Variants in GPR158 observed in about 807,000 individuals in gnomAD.
GPR158 encodes G protein-coupled receptor 158, also known as metabotropic glycine receptor.
Under a neutral mutation model 78.2 loss-of-function variants are expected in GPR158, and 30 were observed. That is an observed-to-expected ratio of 0.38 (90% CI 0.29 to 0.52). The LOEUF (loss-of-function observed/expected upper bound fraction) is 0.52. Ranked by LOEUF, GPR158 falls within the 20% of genes least tolerant of loss-of-function variation. The pLI is 0.83. For synonymous variants in GPR158, 581 were observed against 591.1 expected (o/e 0.98, Z 0.25); for missense variants, 1,463 against 1,523.5 (o/e 0.96, Z 0.66).
At chr10:25,280,715 G>A (rs1854256440) in intron 2 of GPR158, among the ~76,000 whole-genome samples, 1 of 148,440 alleles carries the variant, frequency 6.7e-6, no homozygotes, top group Admixed American at 6.6e-5. Context: ...TTTTATGTAT[G>A]TATGTATGTA....
intron 2 of GPR158, among the ~76,000 whole-genome samples, chr10:25,290,783 C>T (rs1854424084): frequency 6.6e-6 from 1 of 152,052 alleles, no homozygotes. Flanking sequence ...TTGTTTATTT[C>T]AGTTCTTTTA....
chr10:25,187,114 G>A (rs1011129555), intron 1 of GPR158, among the ~76,000 whole-genome samples: 5 of 151,768 alleles, frequency 3.3e-5, no homozygotes, highest in Admixed American at 6.6e-5. Context: ...ACAGGCGCCC[G>A]CCATCACGCC....
intron 2 of GPR158, among the ~76,000 whole-genome samples, chr10:25,254,457 A>G (rs1223418906): frequency 2.0e-5 from 3 of 152,148 alleles, no homozygotes; most frequent in African/African-American, 7.2e-5. Context: ...TTCTGGTTTG[A>G]TTATTTTTAA....
At chr10:25,484,833 C>T (rs1051525369) in intron 5 of GPR158, among the ~76,000 whole-genome samples, 2 of 152,094 alleles carry the variant, frequency 1.3e-5, no homozygotes, top group African/African-American at 4.8e-5. Flanking sequence ...GTCCAGGACA[C>T]ATAAGTAATT....
At chr10:25,290,197 TA>T (rs899349557) in intron 2 of GPR158, among the ~76,000 whole-genome samples, 12 of 152,324 alleles carry the variant, frequency 7.9e-5, no homozygotes, top group African/African-American at 2.4e-4. Flanking sequence ...TGGCTCTTTT[TA>T]TCGGATATAT....
chr10:25,301,542 G>A (rs769189362), intron 2 of GPR158, among the ~76,000 whole-genome samples: 7 of 151,948 alleles, frequency 4.6e-5, no homozygotes, highest in South Asian at 2.1e-4. Context: ...GAATTACTTC[G>A]TGGCCTAGAT....
chr10:25,479,839 CTCT>C (rs1312564903), intron 5 of GPR158, among the ~76,000 whole-genome samples: 1 of 151,630 alleles, frequency 6.6e-6, no homozygotes, highest in Non-Finnish European at 1.5e-5. Context: ...TATATTTCTC[CTCT>C]TCTTCGTGAT....
chr10:25,450,851 C>G (rs1588870407), intron 4 of GPR158, among the ~76,000 whole-genome samples: 2 of 152,116 alleles, frequency 1.3e-5, no homozygotes, highest in East Asian at 1.9e-4. Context: ...TTCTATTTAT[C>G]TTTTCCAAAT....
chr10:25,483,234 A>G (rs1213389145), intron 5 of GPR158, among the ~76,000 whole-genome samples: 1 of 152,020 alleles, frequency 6.6e-6, no homozygotes, highest in East Asian at 1.9e-4. Flanking sequence ...TAGAGACCGA[A>G]AAGACCTTCA....
intron 2 of GPR158, among the ~76,000 whole-genome samples, chr10:25,287,804 T>C (rs1402182320): frequency 6.6e-6 from 1 of 152,064 alleles, no homozygotes; most frequent in Non-Finnish European, 1.5e-5. Flanking sequence ...TGTCTGCCAT[T>C]TTATTGGCTA....
chr10:25,202,961 A>G (rs1044579609), intron 1 of GPR158, among the ~76,000 whole-genome samples: 4 of 152,142 alleles, frequency 2.6e-5, no homozygotes, highest in African/African-American at 9.7e-5. Flanking sequence ...CTGGTGTGAG[A>G]TGGTATCTCA....
intron 4 of GPR158, among the ~76,000 whole-genome samples, chr10:25,427,581 T>A (rs1564452769): frequency 6.6e-6 from 1 of 152,134 alleles, no homozygotes; most frequent in Non-Finnish European, 1.5e-5. Flanking sequence ...GTTTTTTAAA[T>A]TTGTATAATT....
intron 2 of GPR158, among the ~76,000 whole-genome samples, chr10:25,319,244 T>C (rs1307028001): frequency 1.3e-5 from 2 of 152,184 alleles, no homozygotes; most frequent in East Asian, 3.9e-4. Flanking sequence ...CTAGAGTAGT[T>C]ACCTCCCAGT....
chr10:25,567,637 T>C (rs1836947816), intron 6 of GPR158, among the ~76,000 whole-genome samples: 1 of 152,136 alleles, frequency 6.6e-6, no homozygotes, highest in African/African-American at 2.4e-5. Context: ...AGATAGAGGA[T>C]AACTGCATGT....
intron 2 of GPR158, among the ~76,000 whole-genome samples, chr10:25,281,791 G>A (rs1354724545): frequency 2.0e-5 from 3 of 152,052 alleles, no homozygotes; most frequent in South Asian, 2.1e-4. Context: ...TGAAATAGAA[G>A]ACATGCAATA....
At chr10:25,593,899 C>G (rs1246477033) in intron 8 of GPR158, among the ~76,000 whole-genome samples, 1 of 151,944 alleles carries the variant, frequency 6.6e-6, no homozygotes. Flanking sequence ...AACATTGATG[C>G]TTTGTAGGCA....
intron 2 of GPR158, among the ~76,000 whole-genome samples, chr10:25,368,635 G>A (rs1430435349): frequency 6.6e-6 from 1 of 151,814 alleles, no homozygotes; most frequent in East Asian, 1.9e-4. Context: ...TCTGTTGGTG[G>A]GAGTGTAAAT....
At chr10:25,269,499 T>G (rs918529095) in intron 2 of GPR158, among the ~76,000 whole-genome samples, 7 of 152,202 alleles carry the variant, frequency 4.6e-5, no homozygotes, top group Non-Finnish European at 8.8e-5. Flanking sequence ...CATTTTAGTT[T>G]TATATTTTAG....
At chr10:25,319,964 T>C (rs1210470416) in intron 2 of GPR158, among the ~76,000 whole-genome samples, 1 of 152,154 alleles carries the variant, frequency 6.6e-6, no homozygotes, top group Non-Finnish European at 1.5e-5. Flanking sequence ...TTTGGGATTG[T>C]TCATCCAAAT....
Sources: allele counts gnomAD v4.1 joint callset (sites outside exome capture counted in the v4.1 genomes callset), GRCh38; gene constraint gnomAD v4.1.1; transcripts MANE v1.5; gene names NCBI Gene and HGNC (gene_info 2026-07-23, HGNC 2026-07-21).